Variants in NCOR1 observed in about 807,000 individuals in gnomAD.
NCOR1 encodes the protein protein phosphatase 1, regulatory subunit 109.
Under a neutral mutation model 288.1 loss-of-function variants are expected in NCOR1, and 63 were observed. The ratio of observed to expected loss-of-function variants is 0.22; its 90% CI spans 0.18 to 0.27. NCOR1 has a LOEUF of 0.27. NCOR1 is among the 10% of genes least tolerant of loss of function. NCOR1 has a pLI of 1.00. For synonymous variants in NCOR1, 1,007 were observed against 1,065.9 expected (o/e 0.94, Z 1.08); for missense variants, 2,397 against 3,019.2 (o/e 0.79, Z 4.83).
chr17:16,112,187 A>G (rs1380735769), intron 18 of NCOR1, among the ~76,000 whole-genome samples: 1 of 152,204 alleles, frequency 6.6e-6, no homozygotes, highest in African/African-American at 2.4e-5. Flanking sequence ...TATTTTAAAT[A>G]CATATCTGAC....
chr17:16,180,345 C>G (rs546124186), intron 3 of NCOR1, among the ~76,000 whole-genome samples: 55 of 152,060 alleles, frequency 3.6e-4, no homozygotes, highest in Admixed American at 7.2e-4. Context: ...ATTGTTATAG[C>G]CATTATAGAA....
rs191307877 is a variant in NCOR1, at chr17:16,170,530, C to A, written c.435+1273G>T. ...TCTGCAGAATTAATAATAAGCAAAG[C>A]AGAGTTGAAAAAGGTAAACATAGGC... On this transcript the variant is annotated intron_variant, in intron 4 of 45. Transcript: ENST00000268712. Among the ~76,000 whole-genome samples, 25 of 152,074 alleles carry A rather than the reference C, an allele frequency of 1.6e-4. No homozygotes were observed. The South Asian group carries it at 4.8e-3, about 29-fold the overall frequency.
chr17:16,144,464 A>C (rs2077571442), intron 10 of NCOR1, among the ~76,000 whole-genome samples: 1 of 152,198 alleles, frequency 6.6e-6, no homozygotes, highest in South Asian at 2.1e-4. Flanking sequence ...CTTTTAAGTT[A>C]GTGGGTACAT....
chr17:16,151,071 A>T (rs1044156545), intron 8 of NCOR1, among the ~76,000 whole-genome samples: 10 of 151,614 alleles, frequency 6.6e-5, no homozygotes, highest in African/African-American at 2.4e-4. Flanking sequence ...ATAAATAGCA[A>T]TGTGCTCATT....
In NCOR1 at chr17:16,121,183, G is replaced by A; in HGVS notation, c.1721C>T (p.Thr574Ile). ...REQATPRGRKTANSQGRRKGR... is the reference protein window; with the variant it reads ...REQATPRGRKIANSQGRRKGR... ...CTTACGGCGGCCCTGACTGTTGGCA[G>A]TCTTTCGCCCCCGGGGTGTGGCTTG... Residue 574 changes from threonine (T) to isoleucine (I), a missense_variant, in exon 16 of 46, where the codon ACT becomes ATT. Thr to Ile is a moderately conservative substitution (Grantham distance 89). Around this residue, in one of 11 missense-constraint regions of NCOR1, gnomAD observed 113 missense variants for 139.5 expected, o/e 0.81. Coordinates refer to ENST00000268712, the MANE Select transcript of NCOR1 (RefSeq NM_006311.4). 6.2e-6 allele frequency: 10 copies of A among 1,614,144 alleles called. No individual in the cohort carries two copies. The highest frequency in any genetic ancestry group is 8.5e-6 in the Non-Finnish European group (10 of 1,180,050).
In NCOR1 at chr17:16,080,589, C is replaced by T. The variant is rs2152816646; in HGVS notation, c.3298+18G>A. ...TGCTACAAACGTAGATGCATTATGA[C>T]TGTATTAACTCACTGACCTGATTTG... On this transcript the variant is annotated intron_variant, in intron 24 of 45. Coordinates refer to ENST00000268712, the MANE Select transcript of NCOR1 (RefSeq NM_006311.4). The T allele has an allele frequency of 6.2e-7, 1 of 1,614,090 alleles. No homozygotes were observed. Among genetic ancestry groups the T allele is most frequent in the Non-Finnish European group, 8.5e-7 (1 of 1,179,996 alleles).
intron 40 of NCOR1, chr17:16,057,309 T>C (rs995462506): frequency 1.2e-5 from 7 of 577,154 alleles, no homozygotes; most frequent in Non-Finnish European, 2.1e-5. Flanking sequence ...ATCTTTTGAA[T>C]ATACATTAAA....
rs754924127 is a variant in NCOR1 at position 16,165,122 on chromosome 17, G to T, written c.475C>A (p.Pro159Thr). 6.2e-7 allele frequency: 1 copy of T among 1,608,966 alleles called. No individual in the cohort carries two copies. The highest frequency in any genetic ancestry group is 8.5e-7 in the Non-Finnish European group (1 of 1,178,986). Reference protein sequence around the residue: ...FGGKHEAPSSPISGQPCGDDQ... With the variant: ...FGGKHEAPSSTISGQPCGDDQ... ...TCTCCACATGGTTGCCCCGAAATTG[G>T]AGAGGATGGAGCTTCATGTTTGCCT... The change falls in exon 5 of 46, where the codon CCA becomes ACA. Residue 159 changes from proline (P) to threonine (T), a missense_variant. Pro to Thr is a conservative substitution (Grantham distance 38). Coordinates refer to ENST00000268712, the MANE Select transcript of NCOR1 (RefSeq NM_006311.4).
intron 2 of NCOR1, among the ~76,000 whole-genome samples, chr17:16,192,775 T>C (rs996870886): frequency 2.6e-5 from 4 of 152,252 alleles, no homozygotes; most frequent in African/African-American, 9.6e-5. Flanking sequence ...TATAGATATA[T>C]GTTTTCTAAG....
intron 19 of NCOR1, 101 bp downstream of exon 19, chr17:16,108,685 A>C: frequency 3.1e-6 from 3 of 960,052 alleles, no homozygotes; most frequent in Non-Finnish European, 3.0e-6. Flanking sequence ...AAACACTGGC[A>C]CACTGTTTCC....
At chr17:16,110,960 C>T (rs2069998593) in intron 18 of NCOR1, among the ~76,000 whole-genome samples, 1 of 152,182 alleles carries the variant, frequency 6.6e-6, no homozygotes, top group Non-Finnish European at 1.5e-5. Context: ...AGGATAATAA[C>T]TACTTTTAAT....
chr17:16,141,845 A>G (rs1568293477), intron 11 of NCOR1, among the ~76,000 whole-genome samples: 2 of 152,240 alleles, frequency 1.3e-5, no homozygotes, highest in South Asian at 4.1e-4. Flanking sequence ...ACAGTTCCAG[A>G]GTCAGACTGC....
intron 32 of NCOR1, among the ~76,000 whole-genome samples, chr17:16,066,912 C>T (rs1275781666): frequency 6.6e-6 from 1 of 152,220 alleles, no homozygotes; most frequent in Non-Finnish European, 1.5e-5. Flanking sequence ...TATTCTGTGT[C>T]CTAATTTGCA....
chr17:16,077,649 A>C (rs2062767926), intron 26 of NCOR1, among the ~76,000 whole-genome samples: 1 of 151,736 alleles, frequency 6.6e-6, no homozygotes, highest in Admixed American at 6.6e-5. Context: ...AAAAGAGAAA[A>C]GAAAAGAGAA....
chr17:16,149,153 A>C, intron 9 of NCOR1, among the ~76,000 whole-genome samples: 1 of 152,008 alleles, frequency 6.6e-6, no homozygotes, highest in East Asian at 1.9e-4. Context: ...AAACTAAATT[A>C]TCTTTCATAT....
intron 14 of NCOR1, among the ~76,000 whole-genome samples, chr17:16,130,988 ATTTT>A (rs773227977): frequency 8.2e-6 from 1 of 121,774 alleles, no homozygotes; most frequent in Admixed American, 8.6e-5. Flanking sequence ...CGCACCTGGA[ATTTT>A]TTTTTTTTTT....
In NCOR1 at chr17:16,071,475, C is replaced by T. The variant is rs2061758587; in HGVS notation, c.4086G>A (p.Gln1362=). The T allele has an allele frequency of 6.2e-7, 1 of 1,614,156 alleles. No individual in the cohort carries two copies. Among genetic ancestry groups the T allele is most frequent in the Middle Eastern group, 1.6e-4 (1 of 6,062 alleles). ...HEIPRQDILT[Q]ESRKTPEVVQ... ...CCACTTCTGGAGTTTTCCGACTTTC[C>T]TGAGTTAAAATATCTTGCCTTGGAA... Residue 1362 remains glutamine, a synonymous_variant, in exon 30 of 46, where the codon CAG becomes CAA. Coordinates refer to ENST00000268712, the MANE Select transcript of NCOR1 (RefSeq NM_006311.4).
chr17:16,157,629 T>A (rs1269581186), intron 6 of NCOR1, among the ~76,000 whole-genome samples: 1 of 152,106 alleles, frequency 6.6e-6, no homozygotes, highest in Non-Finnish European at 1.5e-5. Flanking sequence ...TCACTACAAA[T>A]CAAATCAATC....
chr17:16,189,923 T>C (rs903233731), intron 2 of NCOR1, among the ~76,000 whole-genome samples: 6 of 152,174 alleles, frequency 3.9e-5, no homozygotes, highest in African/African-American at 1.2e-4. Flanking sequence ...ACGTTGAAGC[T>C]ACAAATTGAA....
Sources: allele counts gnomAD v4.1 joint callset (sites outside exome capture counted in the v4.1 genomes callset), GRCh38; gene constraint gnomAD v4.1.1; regional missense constraint gnomAD v4.1.1; transcripts MANE v1.5; gene names NCBI Gene and HGNC (gene_info 2026-07-23, HGNC 2026-07-21).